Variants in DNM3 observed in about 807,000 individuals in gnomAD.
DNM3 encodes dynamin 3.
Under a neutral mutation model 101.6 loss-of-function variants are expected in DNM3, and 47 were observed. The ratio of observed to expected loss-of-function variants is 0.46; its 90% confidence interval spans 0.37 to 0.59. The LOEUF is 0.59. Among genes scored for constraint, DNM3 ranks in the 20% least tolerant of loss-of-function variants. The probability of loss-of-function intolerance (pLI) is 0.00; values close to 1 mark genes in which losing one functional copy is unlikely to be tolerated. For missense variants in DNM3, 849 were observed against 1,085.7 expected (o/e 0.78, Z 3.06); for synonymous variants, 385 against 387.9 (o/e 0.99, Z 0.09).
intron 13 of DNM3, among the ~76,000 whole-genome samples, chr1:172,103,923 C>T (rs994035891): frequency 7.9e-5 from 12 of 152,146 alleles, no homozygotes; most frequent in African/African-American, 2.7e-4. Flanking sequence ...ATCACTTGAA[C>T]CAGGGAGTTG....
intron 1 of DNM3, among the ~76,000 whole-genome samples, chr1:171,916,693 A>G (rs1013744915): frequency 6.6e-6 from 1 of 152,306 alleles, no homozygotes; most frequent in East Asian, 1.9e-4. Context: ...CGTTTTCTAT[A>G]TAATCCCCAG....
Position 172,304,296 on chromosome 1 carries a change from T to C in DNM3, c.1770-4432T>C, listed in dbSNP as rs577407330. Reference sequence around the variant, plus strand: ...AGATCAAAAGAGACAAAGAAGGCCATTACATAATGGTAAAGGGATCAATTC... The same window carrying C: ...AGATCAAAAGAGACAAAGAAGGCCACTACATAATGGTAAAGGGATCAATTC... On this transcript the variant is annotated intron_variant, in intron 15 of 20. Coordinates refer to ENST00000627582, the MANE Select transcript of DNM3 (RefSeq NM_015569.5). Among the ~76,000 whole-genome samples the C allele has an allele frequency of 2.4e-3, 355 of 146,066 alleles. 3 individuals carry two copies. Among genetic ancestry groups the C allele is most frequent in the Middle Eastern group, 7.1e-3 (2 of 280 alleles).
At chr1:172,363,491 T>A (rs2067851916) in intron 17 of DNM3, among the ~76,000 whole-genome samples, 1 of 151,906 alleles carries the variant, frequency 6.6e-6, no homozygotes, top group Non-Finnish European at 1.5e-5. Flanking sequence ...TTCCAATAAT[T>A]TCTTCTTGAG....
rs773145776 is a variant in DNM3 at position 172,409,288 on chromosome 1, G to C, written c.*1447G>C. ...TTCACCAACTGAAATGTCTCCCTTT[G>C]AAAGTAGCAAACATGATTTGTATGT... On this transcript the variant is annotated 3_prime_UTR_variant, in exon 21 of 21. Transcript: ENST00000627582. The C allele has an allele frequency of 3.6e-5, 35 of 985,314 alleles. No individual in the cohort carries two copies. Among genetic ancestry groups the C allele is most frequent in the Non-Finnish European group, 4.2e-5 (35 of 829,866 alleles). 61.0% of individuals were successfully genotyped at this position (985,314 alleles called of 1,614,324 possible). A position where few individuals can be genotyped will look rare whatever the true frequency, so the allele number is the denominator to read the frequency against.
intron 12 of DNM3, among the ~76,000 whole-genome samples, 162 bp downstream of exon 12, chr1:172,082,064 G>A (rs1158969981): frequency 6.6e-6 from 1 of 152,158 alleles, no homozygotes; most frequent in Non-Finnish European, 1.5e-5. Context: ...ATGGTCGTAG[G>A]GCAGGGATAT....
At chr1:171,847,924 G>GTA (rs1436414877) in intron 1 of DNM3, among the ~76,000 whole-genome samples, 1 of 151,862 alleles carries the variant, frequency 6.6e-6, no homozygotes, top group Non-Finnish European at 1.5e-5. Context: ...GTGTGTGTGT[G>GTA]TGTGTGTGAT....
intron 15 of DNM3, among the ~76,000 whole-genome samples, chr1:172,259,555 A>G (rs1265900705): frequency 1.3e-5 from 2 of 152,132 alleles, no homozygotes; most frequent in Non-Finnish European, 2.9e-5. Flanking sequence ...TGTTGTAAGT[A>G]TAGCTACTCC....
At position 172,157,927 on chromosome 1, in the gene DNM3, G is replaced by A. The variant is rs78810580; in HGVS notation, c.1659+26639G>A. Among the ~76,000 whole-genome samples the A allele has an allele frequency of 5.5e-3, 829 of 151,998 alleles. 8 individuals are homozygous for A. The highest frequency in any genetic ancestry group is 0.019 in the African/African-American group (783 of 41,488). ...TAAATTCACTTAATGTATTCAGCAG[G>A]TATTTAGAGTACTTACTATGTGCCA... On this transcript the variant is annotated intron_variant, in intron 14 of 20. Transcript: ENST00000627582.
Position 171,931,296 on chromosome 1 carries a change from T to C in DNM3, c.235+9475T>C, listed in dbSNP as rs546548549. Among the ~76,000 whole-genome samples the C allele has an allele frequency of 3.9e-5, 6 of 152,356 alleles. No homozygotes were observed. In the East Asian group the frequency reaches 1.2e-3, roughly 29 times the overall value. On this transcript the variant is annotated intron_variant, in intron 2 of 20. Transcript: ENST00000627582. ...TCCCAGCTGATATCTGGAGAAATCA[T>C]AGATATTTTAACCATTTTTATAATG...
intron 11 of DNM3, among the ~76,000 whole-genome samples, chr1:172,069,742 G>A (rs1056882377): frequency 1.3e-5 from 2 of 152,184 alleles, no homozygotes; most frequent in African/African-American, 4.8e-5. Context: ...ATAACATCAT[G>A]TTCTTGTGTA....
At chr1:172,332,689 TGAATGAGTAGA>T (rs1048791647) in intron 17 of DNM3, among the ~76,000 whole-genome samples, 1 of 152,188 alleles carries the variant, frequency 6.6e-6, no homozygotes, top group African/African-American at 2.4e-5. Context: ...GCAGACAAAA[TGAATGAGTAGA>T]GAATCACACA....
At chr1:172,046,722 T>C (rs2049841327) in intron 9 of DNM3, among the ~76,000 whole-genome samples, 1 of 152,182 alleles carries the variant, frequency 6.6e-6, no homozygotes, top group African/African-American at 2.4e-5. Flanking sequence ...CTAAGCTCCC[T>C]ATTCTATTTC....
chr1:172,230,594 T>A (rs954290991), intron 14 of DNM3, among the ~76,000 whole-genome samples: 4 of 152,208 alleles, frequency 2.6e-5, no homozygotes, highest in Admixed American at 2.6e-4. Flanking sequence ...GAATGTTCCT[T>A]CAAATGAATG....
At chr1:171,969,086 C>T (rs2043804386) in intron 2 of DNM3, among the ~76,000 whole-genome samples, 1 of 152,120 alleles carries the variant, frequency 6.6e-6, no homozygotes, top group East Asian at 1.9e-4. Context: ...GCTTTCTGGG[C>T]ACTTGTCTAA....
intron 16 of DNM3, among the ~76,000 whole-genome samples, chr1:172,320,312 G>A (rs2065641276): frequency 6.6e-6 from 1 of 150,830 alleles, no homozygotes; most frequent in South Asian, 2.1e-4. Context: ...CAGCACACCA[G>A]CATGGCACAT....
At chr1:172,271,328 G>T (rs370235911) in intron 15 of DNM3, among the ~76,000 whole-genome samples, 1 of 152,030 alleles carries the variant, frequency 6.6e-6, no homozygotes, top group Non-Finnish European at 1.5e-5. Context: ...AATTAAAAAT[G>T]AGGTTTTAAA....
chr1:171,970,183 T>C (rs1035393716), intron 2 of DNM3: 11 of 620,980 alleles, frequency 1.8e-5, no homozygotes, highest in Non-Finnish European at 2.0e-5. Flanking sequence ...AAAATCATTA[T>C]ATCTTGAAAT....
chr1:171,871,363 A>T (rs2035267469), intron 1 of DNM3, among the ~76,000 whole-genome samples: 1 of 152,200 alleles, frequency 6.6e-6, no homozygotes, highest in African/African-American at 2.4e-5. Flanking sequence ...CTCAATTTAC[A>T]TGATAGTTGC....
chr1:171,913,131 C>G (rs2039439599), intron 1 of DNM3, among the ~76,000 whole-genome samples: 1 of 152,086 alleles, frequency 6.6e-6, no homozygotes, highest in Non-Finnish European at 1.5e-5. Context: ...TTTATAGATC[C>G]CTGACTCAGA....
Sources: allele counts gnomAD v4.1 joint callset (sites outside exome capture counted in the v4.1 genomes callset), GRCh38; gene constraint gnomAD v4.1.1; transcripts MANE v1.5; gene names NCBI Gene and HGNC (gene_info 2026-07-23, HGNC 2026-07-21).